LOC128092253: variants seen among roughly 807,000 people sequenced by gnomAD.
the LOC128092253 span, among the ~76,000 whole-genome samples, chr6:133,953,834 C>G: frequency 6.6e-6 from 1 of 152,134 alleles, no homozygotes; most frequent in Non-Finnish European, 1.5e-5. Context: ...TGCAAAGATG[C>G]TAGGGGTCCG....
chr6:133,973,484 A>T, the LOC128092253 span, among the ~76,000 whole-genome samples: 1 of 152,156 alleles, frequency 6.6e-6, no homozygotes, highest in African/African-American at 2.4e-5. Context: ...GACAGGGTTT[A>T]TTGTGGCCTT....
the LOC128092253 span, chr6:133,969,051 G>A: frequency 6.6e-6 from 1 of 152,184 alleles, no homozygotes; most frequent in Non-Finnish European, 1.5e-5. Context: ...ACATTATTAA[G>A]ATGAGACAGG....
chr6:133,964,123 A>G, the LOC128092253 span, among the ~76,000 whole-genome samples: 1 of 152,120 alleles, frequency 6.6e-6, no homozygotes, highest in Non-Finnish European at 1.5e-5. Context: ...TTTTACTTGT[A>G]TATTATCATT....
chr6:133,966,221 C>T, the LOC128092253 span, among the ~76,000 whole-genome samples: 112 of 152,252 alleles, frequency 7.4e-4, 1 homozygote, highest in African/African-American at 2.6e-3. Flanking sequence ...TTGGGAACTA[C>T]GCCAAGGCTG....
the LOC128092253 span, among the ~76,000 whole-genome samples, chr6:133,969,446 C>T: frequency 2.0e-5 from 3 of 152,042 alleles, no homozygotes; most frequent in East Asian, 5.8e-4. Flanking sequence ...GATTGAGTCT[C>T]ATAGATAGTA....
the LOC128092253 span, among the ~76,000 whole-genome samples, chr6:133,970,619 T>A: frequency 6.6e-6 from 1 of 151,848 alleles, no homozygotes; most frequent in Non-Finnish European, 1.5e-5. Flanking sequence ...TTTTGCTTTT[T>A]TTTTTTTGAG....
the LOC128092253 span, among the ~76,000 whole-genome samples, chr6:133,975,883 G>A: frequency 6.6e-6 from 1 of 152,142 alleles, no homozygotes; most frequent in Admixed American, 6.5e-5. Flanking sequence ...GTACGTAGAT[G>A]TTCATTGTGT....
chr6:133,954,945 A>G, the LOC128092253 span, among the ~76,000 whole-genome samples: 1 of 152,186 alleles, frequency 6.6e-6, no homozygotes, highest in South Asian at 2.1e-4. Flanking sequence ...TATGGAATTG[A>G]GGTCCAGTGT....
the LOC128092253 span, among the ~76,000 whole-genome samples, chr6:133,973,065 C>G: frequency 1.3e-5 from 2 of 152,126 alleles, no homozygotes; most frequent in African/African-American, 4.8e-5. Context: ...CAAATGTTAG[C>G]TTTTCTTCAT....
chr6:133,956,024 T>C, the LOC128092253 span, among the ~76,000 whole-genome samples: 58,404 of 152,048 alleles, frequency 0.38, 13,779 homozygotes, highest in Non-Finnish European at 0.55. Flanking sequence ...ACATGGCACA[T>C]TATTTAAAAA....
the LOC128092253 span, among the ~76,000 whole-genome samples, chr6:133,972,914 A>G: frequency 1.3e-5 from 2 of 152,180 alleles, no homozygotes; most frequent in African/African-American, 4.8e-5. Context: ...CAATTTATAG[A>G]TGAGAAAATG....
the LOC128092253 span, among the ~76,000 whole-genome samples, chr6:133,967,391 A>G: frequency 6.6e-6 from 1 of 152,204 alleles, no homozygotes; most frequent in Non-Finnish European, 1.5e-5. Context: ...ATCAATAAGA[A>G]ATCTTAGAAG....
chr6:133,966,817 AACC>A, the LOC128092253 span, among the ~76,000 whole-genome samples: 96,886 of 151,688 alleles, frequency 0.64, 31,827 homozygotes, highest in African/African-American at 0.74. Context: ...TGCATTTTCA[AACC>A]ACAGTACTAC....
the LOC128092253 span, among the ~76,000 whole-genome samples, chr6:133,974,885 G>GA: frequency 2.0e-5 from 3 of 151,978 alleles, no homozygotes; most frequent in African/African-American, 2.4e-5. Context: ...ATTAGTCTAA[G>GA]AAAAAATGAA....
the LOC128092253 span, among the ~76,000 whole-genome samples, chr6:133,976,364 T>C: frequency 2.6e-5 from 4 of 152,328 alleles, no homozygotes; most frequent in Non-Finnish European, 5.9e-5. Context: ...CATGGGAATA[T>C]ATAGACCTAT....
At chr6:133,967,020 G>A in the LOC128092253 span, among the ~76,000 whole-genome samples, 1 of 152,120 alleles carries the variant, frequency 6.6e-6, no homozygotes, top group Non-Finnish European at 1.5e-5. Context: ...TGGCATAGAA[G>A]GCATGATTTG....
chr6:133,968,011 C>CT, the LOC128092253 span, among the ~76,000 whole-genome samples: 3,233 of 136,030 alleles, frequency 0.024, 33 homozygotes, highest in African/African-American at 0.028. Context: ...TGACTATTTT[C>CT]TTTTTTTTTT....
the LOC128092253 span, among the ~76,000 whole-genome samples, chr6:133,955,702 G>A: frequency 1.3e-5 from 2 of 152,176 alleles, no homozygotes; most frequent in Non-Finnish European, 2.9e-5. Flanking sequence ...TGGTAATACT[G>A]TAATTGTAGA....
chr6:133,964,904 T>C, the LOC128092253 span, among the ~76,000 whole-genome samples: 611 of 152,248 alleles, frequency 4.0e-3, 5 homozygotes, highest in African/African-American at 0.014. Context: ...ACTATGAAAA[T>C]AGGAAGTTTC....
Sources: gnomAD v4.1 joint callset for allele counts (sites outside exome capture counted in the v4.1 genomes callset) on GRCh38, gnomAD v4.1.1 for gene constraint, MANE v1.5 for transcripts.